TTC39C: variants seen among roughly 807,000 people sequenced by gnomAD.
TTC39C encodes the protein tetratricopeptide repeat protein 39C.
Under a neutral mutation model 76.3 loss-of-function variants are expected in TTC39C, and 33 were observed. The observed-to-expected ratio is 0.43, with a 90% CI of 0.33 to 0.58. The LOEUF is 0.58. Among genes scored for constraint, TTC39C ranks in the 20% least tolerant of loss-of-function variants. The pLI is 0.04. For synonymous variants in TTC39C, 254 were observed against 260.6 expected, an observed-to-expected ratio of 0.97 and a Z score of 0.24; for missense variants, 595 against 701.4, an observed-to-expected ratio of 0.85 and a Z score of 1.71.
At chr18:23,993,539 G>A (rs780292118) in intron 1 of TTC39C, among the ~76,000 whole-genome samples, 23 of 152,140 alleles carry the variant, frequency 1.5e-4, no homozygotes, top group Non-Finnish European at 2.5e-4. Flanking sequence ...GGTTGAGAAT[G>A]TATCAAAATA....
chr18:23,999,821 C>T (rs1173172549), intron 1 of TTC39C, among the ~76,000 whole-genome samples: 1 of 152,188 alleles, frequency 6.6e-6, no homozygotes, highest in Non-Finnish European at 1.5e-5. Context: ...GTGGGGAGGC[C>T]CAAAACTTAG....
chr18:24,008,108 C>T (rs77652533), intron 1 of TTC39C, among the ~76,000 whole-genome samples: 1,786 of 152,286 alleles, frequency 0.012, 34 homozygotes, highest in African/African-American at 0.041. Context: ...TCATAACCCA[C>T]GATTTAGACT....
intron 1 of TTC39C, chr18:24,006,485 A>G (rs1310316706): frequency 6.9e-6 from 1 of 145,458 alleles, no homozygotes; most frequent in Non-Finnish European, 1.5e-5. Context: ...GGGGTAGATC[A>G]TCTTTTGAAG....
chr18:24,008,614 G>A (rs2083371603), intron 1 of TTC39C, among the ~76,000 whole-genome samples: 1 of 152,118 alleles, frequency 6.6e-6, no homozygotes, highest in African/African-American at 2.4e-5. Context: ...ATTGTGGAAC[G>A]CAGTGTGGCC....
rs187011621 is a variant in TTC39C, at chr18:24,126,064, A to G, written c.1420+514A>G. On this transcript the variant is annotated intron_variant, in intron 10 of 13. Transcript: ENST00000317571. ...TATCTGGGCGGGGTGGTGTGCACCT[A>G]TAGTCCCAGCTACTTGGGAGACTGA... Among the ~76,000 whole-genome samples the G allele has an allele frequency of 2.6e-3, 394 of 152,208 alleles. 4 individuals are homozygous for G. Among genetic ancestry groups the G allele is most frequent in the Admixed American group, 0.019 (288 of 15,282 alleles).
chr18:24,098,514 TC>T (rs2084625470), intron 6 of TTC39C, among the ~76,000 whole-genome samples: 1 of 44,694 alleles, frequency 2.2e-5, no homozygotes, highest in African/African-American at 1.1e-4. Context: ...TCCTCTCCCC[TC>T]CCCTCCCGTC....
At chr18:24,022,154 AT>A (rs1302953425) in intron 1 of TTC39C, among the ~76,000 whole-genome samples, 1 of 152,086 alleles carries the variant, frequency 6.6e-6, no homozygotes, top group Non-Finnish European at 1.5e-5. Flanking sequence ...ATACTGTGCC[AT>A]TTTCTATCAG....
intron 1 of TTC39C, among the ~76,000 whole-genome samples, chr18:24,025,652 C>T (rs1256418476): frequency 6.6e-6 from 1 of 152,106 alleles, no homozygotes; most frequent in Admixed American, 6.5e-5. Flanking sequence ...TGCCTTGGGT[C>T]GTTGGTCCCA....
chr18:24,023,992 ATATATATATATATATATATATATAT>A (rs2083560811), intron 1 of TTC39C, among the ~76,000 whole-genome samples: 1 of 4,336 alleles, frequency 2.3e-4, no homozygotes, highest in African/African-American at 6.0e-4. Flanking sequence ...ATATATATAT[ATATATATATATATATATATATATAT>A]TTTTTTTTTT....
chr18:24,045,892 A>AATAT (rs1212560698), intron 1 of TTC39C, among the ~76,000 whole-genome samples: 45 of 61,200 alleles, frequency 7.4e-4, no homozygotes, highest in African/African-American at 2.7e-3. Context: ...CTTCTGTGAA[A>AATAT]ATATATATAT....
chr18:24,033,193 C>T (rs1442367562), intron 1 of TTC39C, among the ~76,000 whole-genome samples: 1 of 152,214 alleles, frequency 6.6e-6, no homozygotes, highest in East Asian at 1.9e-4. Context: ...GCGGCGGTTG[C>T]AGTGAGCTGA....
intron 1 of TTC39C, among the ~76,000 whole-genome samples, chr18:24,039,531 T>C (rs924444521): frequency 6.6e-6 from 1 of 152,224 alleles, no homozygotes; most frequent in Non-Finnish European, 1.5e-5. Flanking sequence ...GGAGTCTCAG[T>C]GTGTTGCCCA....
intron 11 of TTC39C, 79 bp from the exon 12 acceptor site, chr18:24,130,233 CG>C: frequency 1.5e-6 from 1 of 664,254 alleles, no homozygotes; most frequent in Non-Finnish European, 2.5e-6. Flanking sequence ...TCCCCCTTCC[CG>C]CCCCCTCTTG....
In TTC39C at chr18:24,134,257, G is replaced by GTTTTTTTTTTT. The variant is rs1182625147; in HGVS notation, c.*1689_*1690insTTTTTTTTTTT. On this transcript the variant is annotated 3_prime_UTR_variant, in exon 14 of 14. Transcript: ENST00000317571. Reference sequence around the variant, plus strand: ...TGGTGCCCAAAAATATTGGACATCTGTTTTTTGTTTTTTTTTTTTTTTTTT... The same window carrying GTTTTTTTTTTT: ...TGGTGCCCAAAAATATTGGACATCTGTTTTTTTTTTTTTTTTTGTTTTTTTTTTTTTTTTTT... The GTTTTTTTTTTT allele has an allele frequency of 9.0e-4, 44 of 48,722 alleles. 11 individuals carry two copies. The highest frequency in any genetic ancestry group is 2.7e-3 in the South Asian group (4 of 1,478). The allele number at this position is 48,722 out of a possible 1,614,324, so 3.0% of individuals were successfully genotyped here. A position where few individuals can be genotyped will look rare whatever the true frequency, so the allele number is the denominator to read the frequency against.
Position 24,014,931 on chromosome 18 carries a change from A to AGCG in TTC39C, c.73_75dup (p.Ala25dup), listed in dbSNP as rs772504894. The AGCG allele has an allele frequency of 1.8e-3, 2,814 of 1,523,508 alleles. 15 individuals carry two copies. The Middle Eastern group carries it at 0.025, about 13-fold the overall frequency. The allele number at this position is 1,523,508 out of a possible 1,614,324, so 94.4% of individuals were successfully genotyped here. ...GGGACGACGGAGACTCGGACGCGGCAGCGGCGGCGGCGGCGCCCCTGCAGG... is the reference window on the plus strand; with the variant it reads ...GGGACGACGGAGACTCGGACGCGGCAGCGGCGGCGGCGGCGGCGCCCCTGCAGG... On this transcript the variant is annotated inframe_insertion, in exon 1 of 14. Transcript: ENST00000317571.
At chr18:24,053,071 T>C (rs192923351) in intron 1 of TTC39C, among the ~76,000 whole-genome samples, 242 of 152,360 alleles carry the variant, frequency 1.6e-3, no homozygotes, top group Non-Finnish European at 2.3e-3. Context: ...ATCTGTAATA[T>C]ATAAAGGAAG....
chr18:24,114,852 G>C (rs930066636), intron 7 of TTC39C: 1 of 470,016 alleles, frequency 2.1e-6, no homozygotes, highest in Non-Finnish European at 3.8e-6. Flanking sequence ...ACAGCATTTT[G>C]ATTTTTTAGG....
chr18:24,027,348 A>G (rs559466218), intron 1 of TTC39C, among the ~76,000 whole-genome samples: 1 of 151,946 alleles, frequency 6.6e-6, no homozygotes, highest in Admixed American at 6.6e-5. Context: ...CAGTAGAATG[A>G]GTCACTGGCA....
intron 1 of TTC39C, among the ~76,000 whole-genome samples, chr18:24,025,653 G>A (rs953785): frequency 0.15 from 22,060 of 152,122 alleles, 3,491 homozygotes; most frequent in African/African-American, 0.38. Flanking sequence ...GCCTTGGGTC[G>A]TTGGTCCCAT....
Sources: allele counts gnomAD v4.1 joint callset (sites outside exome capture counted in the v4.1 genomes callset), GRCh38; gene constraint gnomAD v4.1.1; transcripts MANE v1.5; gene names NCBI Gene and HGNC (gene_info 2026-07-23, HGNC 2026-07-21).